Variants in KCTD14 observed in about 807,000 individuals in gnomAD.
KCTD14 encodes the protein BTB/POZ domain-containing protein KCTD14.
KCTD14 carries 7 observed loss-of-function variants against 5.9 expected under a neutral mutation model. That is an observed-to-expected ratio of 1.19 (90% CI 0.68 to 2.23). The LOEUF (loss-of-function observed/expected upper bound fraction) is 2.23. KCTD14 is among the 30% of genes most tolerant of loss of function. The probability of loss-of-function intolerance (pLI) is 0.00; values close to 1 mark genes in which losing one functional copy is unlikely to be tolerated. For missense variants in KCTD14, 342 were observed against 332.2 expected, an observed-to-expected ratio of 1.03 and a Z score of -0.23; for synonymous variants, 140 against 133.1, an observed-to-expected ratio of 1.05 and a Z score of -0.36.
chr11:78,017,530 T>C (rs764698962), intron 1 of KCTD14, among the ~76,000 whole-genome samples: 5 of 150,230 alleles, frequency 3.3e-5, no homozygotes, highest in African/African-American at 4.9e-5. Context: ...TCACTGCAAC[T>C]TCCACCTCGA....
chr11:78,021,223 G>A (rs570326657), intron 1 of KCTD14, among the ~76,000 whole-genome samples: 11 of 144,814 alleles, frequency 7.6e-5, no homozygotes, highest in South Asian at 2.2e-4. Flanking sequence ...GCTTGAACCC[G>A]GAAGGCAGAG....
chr11:78,042,897 A>C (rs567018242), intron 1 of KCTD14, among the ~76,000 whole-genome samples: 1 of 152,338 alleles, frequency 6.6e-6, no homozygotes, highest in East Asian at 1.9e-4. Context: ...CCATTTATAT[A>C]GCTTGCGAAG....
upstream of KCTD14, among the ~76,000 whole-genome samples, chr11:78,024,428 AC>A (rs1220682632): frequency 2.9e-5 from 2 of 68,048 alleles, no homozygotes; most frequent in African/African-American, 7.8e-5. Flanking sequence ...ACACACACAC[AC>A]ACACACACAC....
In KCTD14 at chr11:78,016,889, C is replaced by T. The variant is rs756482562; in HGVS notation, c.472G>A (p.Ala158Thr). ...NLELMVRLAR[A>T]EAITARKSSV... ...GACTTCCGTGCTGTTATGGCTTCTGCACGTGCCAGGCGCACCATGAGCTCC... is the reference window on the plus strand; with the variant it reads ...GACTTCCGTGCTGTTATGGCTTCTGTACGTGCCAGGCGCACCATGAGCTCC... The change falls in exon 2 of 2, where the codon GCA (alanine) becomes ACA (threonine). Residue 158 changes from alanine to threonine, a missense_variant. By Grantham distance (58) the Ala-to-Thr change is moderately conservative. Transcript: ENST00000353172. The T allele has an allele frequency of 2.5e-6, 4 of 1,614,124 alleles. No individual in the cohort carries two copies. The East Asian group carries it at 6.7e-5, about 27-fold the overall frequency.
intron 2 of KCTD14, among the ~76,000 whole-genome samples, chr11:78,030,076 G>T (rs112692290): frequency 6.6e-6 from 1 of 152,050 alleles, no homozygotes; most frequent in East Asian, 1.9e-4. Flanking sequence ...GAGCCATCGC[G>T]CCTGGCCTTT....
At chr11:78,033,901 G>GTGTATATATATATA in intron 2 of KCTD14, among the ~76,000 whole-genome samples, 3 of 115,604 alleles carry the variant, frequency 2.6e-5, no homozygotes, top group Non-Finnish European at 5.1e-5. Context: ...GTGTGTGTGT[G>GTGTATATATATATA]TATATATATA....
At chr11:78,019,886 T>A (rs1227481222) in intron 1 of KCTD14, among the ~76,000 whole-genome samples, 5 of 152,230 alleles carry the variant, frequency 3.3e-5, no homozygotes, top group Non-Finnish European at 5.9e-5. Context: ...CAGGTCCGTT[T>A]TACTCCAAGC....
At chr11:78,017,819 A>C (rs535543242) in intron 1 of KCTD14, among the ~76,000 whole-genome samples, 1 of 152,148 alleles carries the variant, frequency 6.6e-6, no homozygotes, top group Admixed American at 6.5e-5. Context: ...GGAGGAGGCC[A>C]GGCACGGTGG....
At chr11:78,019,883 G>A (rs1373820837) in intron 1 of KCTD14, among the ~76,000 whole-genome samples, 4 of 152,160 alleles carry the variant, frequency 2.6e-5, no homozygotes, top group East Asian at 1.9e-4. Context: ...ACTCAGGTCC[G>A]TTTTACTCCA....
At chr11:78,023,525 T>G, upstream of KCTD14, 1 of 429,840 alleles carries the variant, frequency 2.3e-6, no homozygotes. Context: ...TTTCTTTTTT[T>G]TTTTTCAGAG....
chr11:78,017,291 G>C lies in KCTD14; in HGVS notation c.91-21C>G, dbSNP rs114360983. 1.6e-3 allele frequency: 2,482 copies of C among 1,560,658 alleles called. 34 individuals carry two copies. In the African/African-American group the frequency reaches 0.025, roughly 16 times the overall value. The stretch of plus-strand genomic sequence containing the variant: ...GACATCTGGGGGCACAAGAGGCAGA[G>C]TAAACCAACACGCCATCTCCCCTGA... On this transcript the variant is annotated intron_variant, in intron 1 of 1. Transcript: ENST00000353172.
intron 2 of KCTD14, among the ~76,000 whole-genome samples, chr11:78,037,169 C>G (rs1055594776): frequency 1.6e-4 from 24 of 152,282 alleles, no homozygotes; most frequent in Admixed American, 1.3e-3. Flanking sequence ...GTGAATCATT[C>G]CTGGACAATC....
chr11:78,037,506 G>T (rs764959933), intron 2 of KCTD14, among the ~76,000 whole-genome samples: 6 of 152,146 alleles, frequency 3.9e-5, no homozygotes, highest in Non-Finnish European at 8.8e-5. Context: ...GGGACCTCCT[G>T]CTGAGCCCCC....
In KCTD14 at chr11:78,037,665, A is replaced by G. The variant is rs182467920; in HGVS notation, c.-1+999T>C. Among the ~76,000 whole-genome samples, 376 of 152,206 alleles carry G rather than the reference A, an allele frequency of 2.5e-3. 3 individuals carry two copies. The highest frequency in any genetic ancestry group is 8.8e-3 in the African/African-American group (365 of 41,526). On this transcript the variant is annotated intron_variant, in intron 2 of 2. Coordinates refer to the KCTD14 transcript ENST00000533144. ...GAAACCCCGTCTCTACTAAAAATACAAAAATTAGCCGGGTGTGGTGGTGGG... is the reference window on the plus strand; with the variant it reads ...GAAACCCCGTCTCTACTAAAAATACGAAAATTAGCCGGGTGTGGTGGTGGG...
chr11:78,041,456 C>T (rs1347886387), intron 1 of KCTD14, among the ~76,000 whole-genome samples: 1 of 152,118 alleles, frequency 6.6e-6, no homozygotes, highest in Non-Finnish European at 1.5e-5. Flanking sequence ...AAGGAGAGCT[C>T]ACTAAAATGC....
chr11:78,044,140 C>T (rs1591199825), intron 1 of KCTD14, among the ~76,000 whole-genome samples: 1 of 152,156 alleles, frequency 6.6e-6, no homozygotes, highest in East Asian at 1.9e-4. Flanking sequence ...GCCTGTTCCC[C>T]AGCCCACACC....
chr11:78,038,553 G>T, intron 2 of KCTD14: 1 of 1,288,692 alleles, frequency 7.8e-7, no homozygotes, highest in Non-Finnish European at 1.1e-6. Context: ...CCGCTCACTG[G>T]CTCCCCAGCC....
chr11:78,039,534 G>GAA, intron 1 of KCTD14, among the ~76,000 whole-genome samples: 1 of 126,992 alleles, frequency 7.9e-6, no homozygotes, highest in African/African-American at 2.9e-5. Context: ...GTCTCAAAAA[G>GAA]AAAAAAAAAA....
chr11:78,044,439 G>A (rs1858077294), intron 1 of KCTD14, among the ~76,000 whole-genome samples: 1 of 152,172 alleles, frequency 6.6e-6, no homozygotes, highest in Admixed American at 6.5e-5. Context: ...GGAGGTGTGA[G>A]GAGGGTTGTA....
Sources: gnomAD v4.1 joint callset for allele counts (sites outside exome capture counted in the v4.1 genomes callset) on GRCh38, gnomAD v4.1.1 for gene constraint, MANE v1.5 for transcripts, NCBI Gene and HGNC (gene_info 2026-07-23, HGNC 2026-07-21) for gene names.